Variants in CATSPERZ observed in about 807,000 individuals in gnomAD.
CATSPERZ encodes catsper channel auxiliary subunit zeta.
A neutral mutation model predicts 21.7 loss-of-function variants in CATSPERZ; 21 were observed. The ratio of observed to expected loss-of-function variants is 0.97; its 90% confidence interval spans 0.69 to 1.39. CATSPERZ has a LOEUF of 1.39. Ranked by LOEUF, CATSPERZ falls within the 40% of genes most tolerant of loss-of-function variation. CATSPERZ has a pLI of 0.00. For missense variants in CATSPERZ, 234 were observed against 259.5 expected, an observed-to-expected ratio of 0.90 and a Z score of 0.68; for synonymous variants, 127 against 108.7, an observed-to-expected ratio of 1.17 and a Z score of -1.05.
Position 64,304,685 on chromosome 11 carries a change from C to T in CATSPERZ, c.*39C>T. 1 of 1,520,686 alleles carries T rather than the reference C, an allele frequency of 6.6e-7. No homozygotes were observed. The highest frequency in any genetic ancestry group is 8.9e-7 in the Non-Finnish European group (1 of 1,120,982). 94.2% of individuals were successfully genotyped at this position (1,520,686 alleles called of 1,614,324 possible). On this transcript the variant is annotated 3_prime_UTR_variant, in exon 5 of 5. Transcript: ENST00000328404. The stretch of plus-strand genomic sequence containing the variant: ...GGCTCGAGCAGCGACCCGAACCAGC[C>T]CCGTGCCAGCCCGGTCCCCAGACCC...
In CATSPERZ at chr11:64,303,740, C is replaced by G. The variant is rs772616151; in HGVS notation, c.433-33C>G. ...TTCAGCTGTGGGCAGAGATGAAGTACCTGGACGCCTAAGCCTCTTGCTGCT... is the reference window on the plus strand; with the variant it reads ...TTCAGCTGTGGGCAGAGATGAAGTAGCTGGACGCCTAAGCCTCTTGCTGCT... On this transcript the variant is annotated intron_variant, in intron 3 of 4. Transcript: ENST00000328404. 4 of 1,572,184 alleles carry G rather than the reference C, an allele frequency of 2.5e-6. No homozygotes were observed. In the East Asian group the frequency reaches 9.4e-5, roughly 37 times the overall value.
Position 64,300,864 on chromosome 11 carries a change from T to A in CATSPERZ, c.229T>A (p.Tyr77Asn). The A allele has an allele frequency of 6.4e-7, 1 of 1,555,652 alleles. No individual in the cohort carries two copies. The part of the protein sequence containing the change: ...SPGRGSLDEG[Y>N]KASHKPEELD... ...GGGGCGGGGCTCGTTGGACGAGGGG[T>A]ACAAGGCCAGCCACAAGCCGGAGGA... The change falls in exon 2 of 5, where the codon TAC (tyrosine) becomes AAC (asparagine). Residue 77 changes from tyrosine (Y) to asparagine (N), a missense_variant. Physicochemically the swap from Tyr to Asn is moderately radical, Grantham distance 143 (BLOSUM62 -2). Transcript: ENST00000328404.
Position 64,300,662 on chromosome 11 carries a change from G to T in CATSPERZ, c.27G>T (p.Ser9=), listed in dbSNP as rs1415429683. 1.3e-6 allele frequency: 2 copies of T among 1,534,094 alleles called. No homozygotes were observed. The highest frequency in any genetic ancestry group is 1.8e-6 in the Non-Finnish European group (2 of 1,135,696). Residue 9 remains serine (S), a synonymous_variant, in exon 2 of 5, where the codon TCG becomes TCT. Coordinates refer to ENST00000328404, the MANE Select transcript of CATSPERZ (RefSeq NM_001039496.2). MEEKPSKV[S]LKSSDRQGSD... Reference sequence around the variant, plus strand: ...TCCTTGTATGTGGCCCACAGGTGTCGCTCAAGTCTTCCGACCGCCAAGGCT... The same window carrying T: ...TCCTTGTATGTGGCCCACAGGTGTCTCTCAAGTCTTCCGACCGCCAAGGCT...
intron 1 of CATSPERZ, 37 bp from the exon 2 acceptor site, chr11:64,300,620 C>G: frequency 6.6e-7 from 1 of 1,515,390 alleles, no homozygotes; most frequent in Admixed American, 2.0e-5. Flanking sequence ...TCCAGCCATC[C>G]GCGACCCTTG....
rs749593553 is a variant in CATSPERZ at position 64,300,437 on chromosome 11, ACGTCTCCCT to A, written c.21+7_21+15del. On this transcript the variant is annotated splice_region_variant and intron_variant, in intron 1 of 4. Coordinates refer to ENST00000328404, the MANE Select transcript of CATSPERZ (RefSeq NM_001039496.2). The stretch of plus-strand genomic sequence containing the variant: ...TGGAGGAAAAGCCTTCGAAAGTAAG[ACGTCTCCCT>A]AGGCCCCTTACCCTGTCCGCTCCAA... The A allele has an allele frequency of 1.1e-5, 17 of 1,505,886 alleles. No individual in the cohort carries two copies. The highest frequency in any genetic ancestry group is 1.8e-5 in the Admixed American group (1 of 56,426). 93.3% of individuals were successfully genotyped at this position (1,505,886 alleles called of 1,614,324 possible). A position where few individuals can be genotyped will look rare whatever the true frequency, so the allele number is the denominator to read the frequency against.
In CATSPERZ at chr11:64,303,535, G is replaced by C; in HGVS notation, c.406G>C (p.Ala136Pro). 6.2e-7 allele frequency: 1 copy of C among 1,613,502 alleles called. No homozygotes were observed. Among genetic ancestry groups the C allele is most frequent in the South Asian group, 1.1e-5 (1 of 90,978 alleles). ...TATTGCGAAGCACATGCCCCATCGA[G>C]CCTACTGGGCAGAGCAGCAGAGCAG... ...LNIAKHMPHR[A>P]YWAEQQSRLP... is the part of the protein sequence containing the mutation. The change falls in exon 3 of 5, where the codon GCC becomes CCC. Residue 136 changes from alanine (A) to proline (P), a missense_variant. Ala to Pro is a conservative substitution (Grantham distance 27, BLOSUM62 -1). Coordinates refer to ENST00000328404, the MANE Select transcript of CATSPERZ (RefSeq NM_001039496.2).
At chr11:64,302,981 G>A (rs1591235148) in intron 2 of CATSPERZ, among the ~76,000 whole-genome samples, 1 of 137,340 alleles carries the variant, frequency 7.3e-6, no homozygotes, top group Non-Finnish European at 1.6e-5. Context: ...CTCAGTGCAA[G>A]CTCCGCCTCC....
intron 2 of CATSPERZ, among the ~76,000 whole-genome samples, chr11:64,301,520 C>T (rs1046992482): frequency 6.6e-6 from 1 of 151,256 alleles, no homozygotes; most frequent in Non-Finnish European, 1.5e-5. Flanking sequence ...ATTACAGGCG[C>T]GCGCCACCAC....
rs145395001 is a variant in CATSPERZ at position 64,302,082 on chromosome 11, A to G, written c.352+1095A>G. 2.7e-3 allele frequency among the ~76,000 whole-genome samples: 413 copies of G among 152,284 alleles called. 2 individuals carry two copies. The highest frequency in any genetic ancestry group is 8.1e-3 in the African/African-American group (336 of 41,554). On this transcript the variant is annotated intron_variant, in intron 2 of 4. Coordinates refer to ENST00000328404, the MANE Select transcript of CATSPERZ (RefSeq NM_001039496.2). Reference sequence around the variant, plus strand: ...TCTTTCCATTAGTCAGTTGCTGGTTACAATTTCTAAGCCCCTACTACGTGC... The same window carrying G: ...TCTTTCCATTAGTCAGTTGCTGGTTGCAATTTCTAAGCCCCTACTACGTGC...
At chr11:64,301,023 G>A in intron 2 of CATSPERZ, 36 bp downstream of exon 2, 1 of 1,481,532 alleles carries the variant, frequency 6.7e-7, no homozygotes, top group Non-Finnish European at 9.1e-7. Context: ...GGCACCCGCA[G>A]GGCAATAAGC....
At chr11:64,302,966 C>T (rs1402435324) in intron 2 of CATSPERZ, among the ~76,000 whole-genome samples, 3 of 145,932 alleles carry the variant, frequency 2.1e-5, no homozygotes, top group African/African-American at 7.7e-5. Context: ...GATGTACGAT[C>T]TCGGCTCAGT....
intron 2 of CATSPERZ, among the ~76,000 whole-genome samples, chr11:64,302,262 A>G (rs2034938826): frequency 1.3e-5 from 2 of 152,048 alleles, no homozygotes; most frequent in South Asian, 4.1e-4. Context: ...ATAAAGAGCT[A>G]TTTATTTTTT....
At chr11:64,300,501 C>A (rs1203758031) in intron 1 of CATSPERZ, 70 bp downstream of exon 1, 4 of 1,568,364 alleles carry the variant, frequency 2.6e-6, no homozygotes, top group Non-Finnish European at 3.5e-6. Context: ...GGGCCCCTGG[C>A]GCTATTTCTT....
chr11:64,302,667 G>A (rs2034946001), intron 2 of CATSPERZ, among the ~76,000 whole-genome samples: 2 of 152,140 alleles, frequency 1.3e-5, no homozygotes, highest in African/African-American at 4.8e-5. Flanking sequence ...CCGCCTCCCC[G>A]GTTCAAGCAA....
chr11:64,300,621 G>T, intron 1 of CATSPERZ, 36 bp from the exon 2 acceptor site: 1 of 1,507,336 alleles, frequency 6.6e-7, no homozygotes, highest in Non-Finnish European at 8.9e-7. Flanking sequence ...CCAGCCATCC[G>T]CGACCCTTGG....
chr11:64,300,992 G>A lies in CATSPERZ; in HGVS notation c.352+5G>A, dbSNP rs1354428877. On this transcript the variant is annotated splice_donor_5th_base_variant and intron_variant, in intron 2 of 4. Coordinates refer to ENST00000328404, the MANE Select transcript of CATSPERZ (RefSeq NM_001039496.2). ...CTGCATCCCAGATCGAGGCCGGTCAGTGTGGCCTCGCCAGGCCGTGGGCAC... is the reference window on the plus strand; with the variant it reads ...CTGCATCCCAGATCGAGGCCGGTCAATGTGGCCTCGCCAGGCCGTGGGCAC... 1.3e-6 allele frequency: 2 copies of A among 1,524,452 alleles called. No homozygotes were observed. The highest frequency in any genetic ancestry group is 4.0e-5 in the Admixed American group (2 of 50,152). 94.4% of individuals were successfully genotyped at this position (1,524,452 alleles called of 1,614,324 possible). A position where few individuals can be genotyped will look rare whatever the true frequency, so the allele number is the denominator to read the frequency against.
intron 2 of CATSPERZ, among the ~76,000 whole-genome samples, chr11:64,301,555 G>A (rs1007865298): frequency 2.6e-5 from 4 of 152,144 alleles, no homozygotes; most frequent in Admixed American, 6.5e-5. Context: ...TGTATTTTTA[G>A]TAGAGACGGA....
chr11:64,304,681 C>G lies in CATSPERZ; in HGVS notation c.*35C>G. ...CTTGGGCTCGAGCAGCGACCCGAAC[C>G]AGCCCCGTGCCAGCCCGGTCCCCAG... On this transcript the variant is annotated 3_prime_UTR_variant, in exon 5 of 5. Transcript: ENST00000328404. 1 of 1,534,486 alleles carries G rather than the reference C, an allele frequency of 6.5e-7. No homozygotes were observed. The highest frequency in any genetic ancestry group is 1.4e-5 in the African/African-American group (1 of 72,828).
At chr11:64,303,964 A>G (rs979827941) in intron 4 of CATSPERZ, 125 bp downstream of exon 4, 2 of 905,906 alleles carry the variant, frequency 2.2e-6, no homozygotes, top group Non-Finnish European at 3.4e-6. Flanking sequence ...GGCACTCACA[A>G]GTATTCCAAG....
Sources: gnomAD v4.1 joint callset for allele counts (sites outside exome capture counted in the v4.1 genomes callset) on GRCh38, gnomAD v4.1.1 for gene constraint, MANE v1.5 for transcripts, NCBI Gene and HGNC (gene_info 2026-07-23, HGNC 2026-07-21) for gene names.